TNFAIP8: variants seen among roughly 807,000 people sequenced by gnomAD.
TNFAIP8 encodes tumor necrosis factor alpha-induced protein 8.
A neutral mutation model predicts 13.3 loss-of-function variants in TNFAIP8; 7 were observed. That is an observed-to-expected ratio of 0.52 (90% CI 0.30 to 0.99). TNFAIP8 has a LOEUF of 0.99. Ranked by LOEUF, TNFAIP8 falls within the 50% of genes least tolerant of loss-of-function variation. The pLI is 0.07. For missense variants in TNFAIP8, 258 were observed against 236.9 expected (o/e 1.09, Z -0.58); for synonymous variants, 94 against 87.6 (o/e 1.07, Z -0.41).
chr5:119,310,945 A>G (rs186489181), intron 1 of TNFAIP8, among the ~76,000 whole-genome samples: 10 of 152,272 alleles, frequency 6.6e-5, no homozygotes, highest in African/African-American at 2.4e-4. Flanking sequence ...GAGTTTTCAA[A>G]CAAAAGCATT....
chr5:119,316,147 C>G (rs1233131882), intron 1 of TNFAIP8: 1 of 147,698 alleles, frequency 6.8e-6, no homozygotes. Context: ...TGACCTTTTT[C>G]TAGTTCTTCC....
At chr5:119,391,411 G>A (rs915722337) in intron 1 of TNFAIP8, 11 of 702,180 alleles carry the variant, frequency 1.6e-5, no homozygotes, top group South Asian at 4.4e-5. Context: ...GTTGCCACTC[G>A]ACTCAGAGAT....
At chr5:119,328,417 T>C (rs1750285857) in intron 1 of TNFAIP8, among the ~76,000 whole-genome samples, 1 of 152,232 alleles carries the variant, frequency 6.6e-6, no homozygotes, top group Admixed American at 6.5e-5. Context: ...AGAGAGGGAA[T>C]GGAGAATAGA....
At chr5:119,383,103 TC>T (rs1436883062) in intron 1 of TNFAIP8, among the ~76,000 whole-genome samples, 1 of 152,226 alleles carries the variant, frequency 6.6e-6, no homozygotes, top group Non-Finnish European at 1.5e-5. Flanking sequence ...GAGATAATTT[TC>T]CCCCATAAGA....
intron 1 of TNFAIP8, among the ~76,000 whole-genome samples, chr5:119,378,837 G>T (rs1476272517): frequency 6.6e-6 from 1 of 152,176 alleles, no homozygotes; most frequent in Non-Finnish European, 1.5e-5. Context: ...GCTTTGGGAG[G>T]CTGAGACAGG....
intron 1 of TNFAIP8, among the ~76,000 whole-genome samples, chr5:119,299,550 G>A (rs1413223613): frequency 3.3e-5 from 5 of 152,290 alleles, no homozygotes; most frequent in Non-Finnish European, 5.9e-5. Flanking sequence ...GCTGCTTGGG[G>A]GTCAGGGGTC....
intron 1 of TNFAIP8, among the ~76,000 whole-genome samples, chr5:119,376,417 G>A (rs1170988969): frequency 1.3e-5 from 2 of 151,822 alleles, no homozygotes; most frequent in East Asian, 1.9e-4. Context: ...CACTGCACCC[G>A]GCAAAAATAA....
At chr5:119,354,401 TAGGC>T (rs1751302576), upstream of TNFAIP8, 1 of 152,222 alleles carries the variant, frequency 6.6e-6, no homozygotes. Flanking sequence ...GTTAGAATCT[TAGGC>T]AGGTTAGAAT....
chr5:119,271,391 T>C (rs913392295), intron 1 of TNFAIP8, among the ~76,000 whole-genome samples: 4 of 152,218 alleles, frequency 2.6e-5, no homozygotes, highest in Non-Finnish European at 4.4e-5. Flanking sequence ...TAATCCTCTT[T>C]TGCAGAAGAT....
chr5:119,297,653 G>T (rs2085721857), intron 1 of TNFAIP8, among the ~76,000 whole-genome samples: 1 of 151,988 alleles, frequency 6.6e-6, no homozygotes, highest in South Asian at 2.1e-4. Flanking sequence ...TCAATTCCTG[G>T]GTATCCTTGT....
rs557762969 is a variant in TNFAIP8 at position 119,283,576 on chromosome 5, A to G, written c.1+14669A>G. On this transcript the variant is annotated intron_variant, in intron 1 of 1. Transcript: ENST00000274456. Reference sequence around the variant, plus strand: ...AAAAGGGAAACTCTTAGCCTTGGTCACACCAGGGAGAGCTTGCTGTAAGAG... The same window carrying G: ...AAAAGGGAAACTCTTAGCCTTGGTCGCACCAGGGAGAGCTTGCTGTAAGAG... Among the ~76,000 whole-genome samples the G allele has an allele frequency of 7.9e-5, 12 of 152,368 alleles. No individual in the cohort carries two copies. In the East Asian group the frequency reaches 2.3e-3, roughly 29 times the overall value.
chr5:119,270,544 C>T (rs1348531262), intron 1 of TNFAIP8, among the ~76,000 whole-genome samples: 1 of 152,152 alleles, frequency 6.6e-6, no homozygotes, highest in East Asian at 1.9e-4. Context: ...CTACAGGGGC[C>T]CACAAGTAAT....
At chr5:119,348,442 A>C (rs1270209272) in intron 1 of TNFAIP8, among the ~76,000 whole-genome samples, 1 of 152,228 alleles carries the variant, frequency 6.6e-6, no homozygotes, top group Non-Finnish European at 1.5e-5. Flanking sequence ...TAGTATACAC[A>C]GGAACTTTCT....
At chr5:119,275,018 T>G (rs1383315826) in intron 1 of TNFAIP8, among the ~76,000 whole-genome samples, 1 of 151,622 alleles carries the variant, frequency 6.6e-6, no homozygotes, top group Non-Finnish European at 1.5e-5. Flanking sequence ...TTTTAATTTT[T>G]TTTTTTTTTT....
At chr5:119,312,619 C>G (rs1749766781) in intron 1 of TNFAIP8, among the ~76,000 whole-genome samples, 1 of 151,630 alleles carries the variant, frequency 6.6e-6, no homozygotes, top group African/African-American at 2.4e-5. Flanking sequence ...AAGAATGTAG[C>G]TGGGCTCGGT....
intron 1 of TNFAIP8, among the ~76,000 whole-genome samples, chr5:119,322,389 C>G (rs1300482212): frequency 6.6e-6 from 1 of 152,066 alleles, no homozygotes; most frequent in Admixed American, 6.5e-5. Context: ...TCTGAGCAGA[C>G]CATGCTGGCT....
chr5:119,325,041 T>C (rs1316038338), intron 1 of TNFAIP8, among the ~76,000 whole-genome samples: 3 of 151,876 alleles, frequency 2.0e-5, no homozygotes, highest in Non-Finnish European at 2.9e-5. Flanking sequence ...CAAGACCAAC[T>C]TGGCCAACAT....
chr5:119,297,020 T>C (rs1445632312), intron 1 of TNFAIP8, among the ~76,000 whole-genome samples: 4 of 152,062 alleles, frequency 2.6e-5, no homozygotes, highest in Admixed American at 6.6e-5. Flanking sequence ...TCTCTCTTTT[T>C]TTCTTTATTA....
intron 1 of TNFAIP8, among the ~76,000 whole-genome samples, chr5:119,363,620 G>A (rs944558074): frequency 2.0e-5 from 3 of 152,334 alleles, no homozygotes; most frequent in South Asian, 2.1e-4. Context: ...AAAAAGAAAA[G>A]TAACTGGTTT....
Sources: allele counts gnomAD v4.1 joint callset (sites outside exome capture counted in the v4.1 genomes callset), GRCh38; gene constraint gnomAD v4.1.1; transcripts MANE v1.5; gene names NCBI Gene and HGNC (gene_info 2026-07-23, HGNC 2026-07-21).